ASB5: variants seen among roughly 807,000 people sequenced by gnomAD.
ASB5 encodes the protein ankyrin repeat and SOCS box protein 5.
A neutral mutation model predicts 42.1 loss-of-function variants in ASB5; 45 were observed. The observed-to-expected ratio is 1.07, with a 90% CI of 0.84 to 1.37. The LOEUF (loss-of-function observed/expected upper bound fraction) is 1.37, where lower values mean the gene tolerates loss of function less well. Ranked by LOEUF, ASB5 falls within the 40% of genes most tolerant of loss-of-function variation. ASB5 has a pLI of 0.00. For missense variants in ASB5, 402 were observed against 399.8 expected, an observed-to-expected ratio of 1.01 and a Z score of -0.05; for synonymous variants, 147 against 150.6, an observed-to-expected ratio of 0.98 and a Z score of 0.18.
intron 1 of ASB5, among the ~76,000 whole-genome samples, chr4:176,228,098 A>G (rs1045410172): frequency 9.9e-5 from 15 of 152,234 alleles, no homozygotes; most frequent in East Asian, 3.8e-4. Context: ...GCTAACTATG[A>G]TTCGAAGTTT....
intron 1 of ASB5, among the ~76,000 whole-genome samples, chr4:176,233,257 C>G (rs1753596512): frequency 6.6e-6 from 1 of 152,158 alleles, no homozygotes; most frequent in Non-Finnish European, 1.5e-5. Flanking sequence ...TCATCTTATT[C>G]CTCTTGGCTA....
chr4:176,246,374 C>A (rs950015278), intron 1 of ASB5, among the ~76,000 whole-genome samples: 8 of 152,280 alleles, frequency 5.3e-5, no homozygotes, highest in Non-Finnish European at 1.2e-4. Flanking sequence ...TTTCAGACCA[C>A]CTATCAGATA....
chr4:176,270,956 C>A (rs1754458764), upstream of ASB5, among the ~76,000 whole-genome samples: 1 of 152,174 alleles, frequency 6.6e-6, no homozygotes, highest in Non-Finnish European at 1.5e-5. Flanking sequence ...TCAGTCCTTT[C>A]TCTTTACCAG....
chr4:176,251,083 G>T (rs1333380569), intron 1 of ASB5, among the ~76,000 whole-genome samples: 1 of 151,868 alleles, frequency 6.6e-6, no homozygotes, highest in Non-Finnish European at 1.5e-5. Context: ...TCTGCACCAT[G>T]GACAAGGACT....
chr4:176,265,073 C>G (rs1368396291), intron 1 of ASB5, among the ~76,000 whole-genome samples: 1 of 152,054 alleles, frequency 6.6e-6, no homozygotes. Context: ...TAATACATAC[C>G]CTTTTTTATT....
At chr4:176,274,993 C>A (rs993092232) in intron 2 of ASB5, among the ~76,000 whole-genome samples, 1 of 146,284 alleles carries the variant, frequency 6.8e-6, no homozygotes, top group Non-Finnish European at 1.5e-5. Flanking sequence ...GGGCTCACTG[C>A]AGCCTCCATC....
intron 1 of ASB5, among the ~76,000 whole-genome samples, chr4:176,265,956 G>GA (rs1402772977): frequency 6.6e-6 from 1 of 152,116 alleles, no homozygotes; most frequent in East Asian, 1.9e-4. Flanking sequence ...CTTAAGAGAT[G>GA]AAAAGATAGA....
intron 6 of ASB5, 91 bp from the exon 7 acceptor site, chr4:176,215,818 A>C (rs1752952527): frequency 4.3e-5 from 56 of 1,304,158 alleles, no homozygotes; most frequent in Non-Finnish European, 5.9e-5. Context: ...AAAAACTACA[A>C]TGCTTTGTAG....
At chr4:176,216,077 T>G (rs544289056) in intron 6 of ASB5, among the ~76,000 whole-genome samples, 52 of 152,170 alleles carry the variant, frequency 3.4e-4, no homozygotes, top group Middle Eastern at 6.8e-3. Flanking sequence ...AAAATTAAGT[T>G]TAATATTTAC....
upstream of ASB5, among the ~76,000 whole-genome samples, chr4:176,271,696 A>ATATG (rs1455663724): frequency 6.6e-6 from 1 of 152,146 alleles, no homozygotes; most frequent in Non-Finnish European, 1.5e-5. Flanking sequence ...CTACATGCAT[A>ATATG]TATTTATTTA....
chr4:176,234,826 C>T (rs1753644557), intron 1 of ASB5, among the ~76,000 whole-genome samples: 1 of 152,166 alleles, frequency 6.6e-6, no homozygotes, highest in Admixed American at 6.5e-5. Flanking sequence ...AGTTTCCTCA[C>T]TATAAAATGG....
intron 1 of ASB5, among the ~76,000 whole-genome samples, chr4:176,243,297 A>G (rs1277740288): frequency 6.6e-6 from 1 of 152,136 alleles, no homozygotes. Flanking sequence ...AAATTCTTCT[A>G]CATGTTTATA....
chr4:176,243,661 C>A (rs1370727189), intron 1 of ASB5, among the ~76,000 whole-genome samples: 2 of 151,900 alleles, frequency 1.3e-5, no homozygotes, highest in Non-Finnish European at 2.9e-5. Context: ...CGCCACTATG[C>A]CTGGCTAATT....
At chr4:176,216,744 A>G in intron 6 of ASB5, 74 bp downstream of exon 6, 1 of 1,291,068 alleles carries the variant, frequency 7.7e-7, no homozygotes, top group South Asian at 1.5e-5. Flanking sequence ...CATGCCAACA[A>G]AAACTCTCTC....
At chr4:176,256,934 T>C (rs1234847425) in intron 1 of ASB5, among the ~76,000 whole-genome samples, 1 of 152,108 alleles carries the variant, frequency 6.6e-6, no homozygotes, top group African/African-American at 2.4e-5. Flanking sequence ...AAAACTATGT[T>C]TTGGTCACTT....
At chr4:176,239,710 T>C (rs1211186652) in intron 1 of ASB5, among the ~76,000 whole-genome samples, 2 of 152,148 alleles carry the variant, frequency 1.3e-5, no homozygotes, top group East Asian at 3.8e-4. Context: ...CTTTCTGTAG[T>C]CCTCGATGGT....
rs181551683 is a variant in ASB5 at position 176,261,157 on chromosome 4, C to T, written c.196+7756G>A. 3.9e-3 allele frequency among the ~76,000 whole-genome samples: 596 copies of T among 152,246 alleles called. 6 individuals carry two copies. The highest frequency in any genetic ancestry group is 0.014 in the African/African-American group (573 of 41,532). On this transcript the variant is annotated intron_variant, in intron 1 of 6. Transcript: ENST00000296525. ...TCTCCTCTGCAGTTTAGAAAATGGG[C>T]TTAATTGCTAAAATTGTTGCCCAAG...
At position 176,222,941 on chromosome 4, in the gene ASB5, C is replaced by T. The variant is rs889464370; in HGVS notation, c.277-521G>A. Among the ~76,000 whole-genome samples the T allele has an allele frequency of 4.2e-4, 45 of 107,826 alleles. 1 individual carries two copies. Among genetic ancestry groups the T allele is most frequent in the Non-Finnish European group, 1.4e-4 (7 of 50,104 alleles). The allele number at this position is 107,826 out of a possible 152,430, so 70.7% of individuals were successfully genotyped here. ...TACAGGCGCCCACCACAAGGCCGGG[C>T]TAATTTTTTTGTATTTTTAGTAGAC... On this transcript the variant is annotated intron_variant, in intron 2 of 6. Coordinates refer to ENST00000296525, the MANE Select transcript of ASB5 (RefSeq NM_080874.4).
rs137948395 is a variant in ASB5 at position 176,219,723 on chromosome 4, T to A, written c.670+1432A>T. Among the ~76,000 whole-genome samples, 573 of 149,390 alleles carry A rather than the reference T, an allele frequency of 3.8e-3. 4 individuals are homozygous for A. The highest frequency in any genetic ancestry group is 0.012 in the African/African-American group (507 of 40,652). Reference sequence around the variant, plus strand: ...CTGGGACTACAGGCACATGCCACCATGCCTAGCTAATTTTTGTATTTTTAA... The same window carrying A: ...CTGGGACTACAGGCACATGCCACCAAGCCTAGCTAATTTTTGTATTTTTAA... On this transcript the variant is annotated intron_variant, in intron 5 of 6. Coordinates refer to ENST00000296525, the MANE Select transcript of ASB5 (RefSeq NM_080874.4).
Sources: allele counts gnomAD v4.1 joint callset (sites outside exome capture counted in the v4.1 genomes callset), GRCh38; gene constraint gnomAD v4.1.1; transcripts MANE v1.5; gene names NCBI Gene and HGNC (gene_info 2026-07-23, HGNC 2026-07-21).